The following SNRPA variants were observed in gnomAD, a reference collection of about 807,000 sequenced individuals.
The protein encoded by SNRPA is U1 small nuclear ribonucleoprotein A.
SNRPA carries 10 observed loss-of-function variants against 24.5 expected under a neutral mutation model. The observed-to-expected ratio is 0.41, with a 90% CI of 0.25 to 0.69. The LOEUF (loss-of-function observed/expected upper bound fraction) is 0.69, where lower values mean the gene tolerates loss of function less well. Among genes scored for constraint, SNRPA ranks in the 30% least tolerant of loss-of-function variants. SNRPA has a pLI of 0.33. For missense variants in SNRPA, 283 were observed against 394.7 expected (o/e 0.72, Z 2.40); for synonymous variants, 165 against 148.4 (o/e 1.11, Z -0.81).
chr19:40,756,096 A>T (rs1417647974), intron 1 of SNRPA, among the ~76,000 whole-genome samples: 1 of 151,778 alleles, frequency 6.6e-6, no homozygotes. Context: ...AACATAGGAG[A>T]CTGTGTCTAC....
chr19:40,751,457 C>T lies in SNRPA; in HGVS notation c.49C>T (p.Leu17Phe). 1 of 1,613,464 alleles carries T rather than the reference C, an allele frequency of 6.2e-7. No homozygotes were observed. Among genetic ancestry groups the T allele is most frequent in the Non-Finnish European group, 8.5e-7 (1 of 1,179,498 alleles). The change falls in exon 1 of 6, where the codon CTC becomes TTC. Residue 17 changes from leucine (L) to phenylalanine (F), a missense_variant. Physicochemically the swap from Leu to Phe is conservative, Grantham distance 22. This residue lies in a region of SNRPA where 32 missense variants were observed against 26.8 expected (regional missense o/e 1.19). Transcript: ENST00000243563. ...TAACCACACTATTTATATCAACAACCTCAATGAGAAGATCAAGAAGGATGG... is the reference window on the plus strand; with the variant it reads ...TAACCACACTATTTATATCAACAACTTCAATGAGAAGATCAAGAAGGATGG... Reference protein sequence around the residue: ...RPNHTIYINNLNEKIKKDELK... With the variant: ...RPNHTIYINNFNEKIKKDELK...
At chr19:40,762,559 C>A (rs978213709) in intron 3 of SNRPA, among the ~76,000 whole-genome samples, 1 of 151,866 alleles carries the variant, frequency 6.6e-6, no homozygotes, top group Non-Finnish European at 1.5e-5. Context: ...TGTCCCTTTC[C>A]ATCTCTTCCT....
chr19:40,756,627 CTG>C (rs1258115566), intron 1 of SNRPA, among the ~76,000 whole-genome samples: 2 of 151,210 alleles, frequency 1.3e-5, no homozygotes, highest in East Asian at 3.9e-4. Flanking sequence ...GTGGTGGAGT[CTG>C]TGCTAGGCTT....
At chr19:40,757,649 A>C in intron 2 of SNRPA, 145 bp downstream of exon 2, 1 of 783,356 alleles carries the variant, frequency 1.3e-6, no homozygotes, top group South Asian at 2.1e-5. Flanking sequence ...CTCATTTAAA[A>C]ATCTTTTCTT....
chr19:40,759,925 A>G (rs1252249532), intron 3 of SNRPA, among the ~76,000 whole-genome samples: 4 of 152,198 alleles, frequency 2.6e-5, no homozygotes, highest in African/African-American at 9.7e-5. Flanking sequence ...GCATGTAGAA[A>G]ATCCAAGTGT....
chr19:40,757,252 C>A, intron 1 of SNRPA, 80 bp from the exon 2 acceptor site: 1 of 1,392,904 alleles, frequency 7.2e-7, no homozygotes, highest in Non-Finnish European at 1.0e-6. Context: ...GGTACCCCAT[C>A]AATTGGCTGA....
chr19:40,752,363 G>T (rs1314030051), intron 1 of SNRPA, among the ~76,000 whole-genome samples: 1 of 151,520 alleles, frequency 6.6e-6, no homozygotes, highest in Non-Finnish European at 1.5e-5. Context: ...AAAAGAAAAA[G>T]AAACTGAGAC....
At chr19:40,754,941 G>C (rs1319964817) in intron 1 of SNRPA, among the ~76,000 whole-genome samples, 3 of 152,140 alleles carry the variant, frequency 2.0e-5, no homozygotes, top group African/African-American at 4.8e-5. Context: ...AGGAAAACCA[G>C]AAATGTCACC....
chr19:40,752,128 G>T (rs566677604), intron 1 of SNRPA, among the ~76,000 whole-genome samples: 22 of 151,634 alleles, frequency 1.5e-4, no homozygotes, highest in African/African-American at 4.8e-4. Flanking sequence ...ACCTGAGGTC[G>T]GGAGTTCGAG....
chr19:40,765,053 C>T lies in SNRPA; in HGVS notation c.735C>T (p.Asp245=), dbSNP rs748187408. Residue 245 remains aspartate, a synonymous_variant, in exon 6 of 6, where the codon GAC becomes GAT. Transcript: ENST00000243563. The part of the protein sequence containing the change: ...KEVRLVPGRH[D]IAFVEFDNEV... ...TCCGTCTGGTACCCGGGCGGCATGACATCGCCTTCGTGGAGTTTGACAATG... is the reference window on the plus strand; with the variant it reads ...TCCGTCTGGTACCCGGGCGGCATGATATCGCCTTCGTGGAGTTTGACAATG... 6 of 1,590,450 alleles carry T rather than the reference C, an allele frequency of 3.8e-6. No individual in the cohort carries two copies. The highest frequency in any genetic ancestry group is 5.1e-6 in the Non-Finnish European group (6 of 1,169,818).
At chr19:40,752,700 T>C (rs934365490) in intron 1 of SNRPA, among the ~76,000 whole-genome samples, 10 of 151,254 alleles carry the variant, frequency 6.6e-5, no homozygotes, top group Non-Finnish European at 1.2e-4. Context: ...TGCAGTGAGC[T>C]ATGATTGCAC....
chr19:40,754,845 G>A (rs1489877953), intron 1 of SNRPA, among the ~76,000 whole-genome samples: 1 of 152,080 alleles, frequency 6.6e-6, no homozygotes, highest in Non-Finnish European at 1.5e-5. Context: ...GCGAATGGGC[G>A]AGGGGAGGCT....
chr19:40,752,564 C>G (rs1434129268), intron 1 of SNRPA, among the ~76,000 whole-genome samples: 1 of 125,272 alleles, frequency 8.0e-6, no homozygotes, highest in East Asian at 2.2e-4. Flanking sequence ...GCGACAAAGC[C>G]AGACCTTTTC....
chr19:40,753,022 G>A (rs572898152), intron 1 of SNRPA, among the ~76,000 whole-genome samples: 44 of 152,276 alleles, frequency 2.9e-4, no homozygotes, highest in Non-Finnish European at 5.9e-4. Context: ...GAGCTTGTTG[G>A]GATTCAGTTT....
At chr19:40,760,001 A>G (rs1370145696) in intron 3 of SNRPA, among the ~76,000 whole-genome samples, 6 of 152,196 alleles carry the variant, frequency 3.9e-5, no homozygotes, top group Non-Finnish European at 8.8e-5. Flanking sequence ...ATATAAAGGC[A>G]ATATGGAAAA....
At chr19:40,753,378 G>T (rs1599725771) in intron 1 of SNRPA, among the ~76,000 whole-genome samples, 1 of 91,988 alleles carries the variant, frequency 1.1e-5, no homozygotes, top group Non-Finnish European at 2.3e-5. Flanking sequence ...TGTAAATTTT[G>T]CATATGTTTT....
chr19:40,752,469 G>A (rs1187558682), intron 1 of SNRPA, among the ~76,000 whole-genome samples: 1 of 150,858 alleles, frequency 6.6e-6, no homozygotes, highest in Non-Finnish European at 1.5e-5. Context: ...TTGGCCGGGC[G>A]TGGTGGTTCA....
chr19:40,755,257 CTTTTTTTTTTTTT>C (rs1004235207), intron 1 of SNRPA, among the ~76,000 whole-genome samples: 1 of 82,612 alleles, frequency 1.2e-5, no homozygotes, highest in South Asian at 4.3e-4. Context: ...TTTTTCTTTT[CTTTTTTTTTTTTT>C]TTTTTTTTTT....
At chr19:40,759,346 G>A in intron 2 of SNRPA, 85 bp from the exon 3 acceptor site, 1 of 1,325,478 alleles carries the variant, frequency 7.5e-7, no homozygotes, top group Non-Finnish European at 1.0e-6. Context: ...CGCAGCACCT[G>A]GCCCCTGATA....
Sources: allele counts gnomAD v4.1 joint callset (sites outside exome capture counted in the v4.1 genomes callset), GRCh38; gene constraint gnomAD v4.1.1; regional missense constraint gnomAD v4.1.1; transcripts MANE v1.5; gene names NCBI Gene and HGNC (gene_info 2026-07-23, HGNC 2026-07-21).